Variants in ADGRB3 observed in about 807,000 individuals in gnomAD.
ADGRB3 encodes the protein adhesion G protein-coupled receptor B3, also known as brain-specific angiogenesis inhibitor 3.
Under a neutral mutation model 193.4 loss-of-function variants are expected in ADGRB3, and 37 were observed. That is an observed-to-expected ratio of 0.19 (90% CI 0.15 to 0.25). The LOEUF is 0.25. ADGRB3 is among the 10% of genes least tolerant of loss of function. The pLI is 1.00. For missense variants in ADGRB3, 1,637 were observed against 1,852.9 expected (o/e 0.88, Z 2.14); for synonymous variants, 690 against 644.2 (o/e 1.07, Z -1.08).
chr6:69,251,060 T>C (rs182576962), intron 20 of ADGRB3, among the ~76,000 whole-genome samples: 2 of 152,314 alleles, frequency 1.3e-5, no homozygotes, highest in African/African-American at 4.8e-5. Flanking sequence ...CAATAAGCCC[T>C]TAGTCAAGTG....
Position 68,899,728 on chromosome 6 carries a change from T to G in ADGRB3, c.758-30831T>G, listed in dbSNP as rs182856859. 2.0e-3 allele frequency among the ~76,000 whole-genome samples: 311 copies of G among 152,172 alleles called. 5 individuals carry two copies. The highest frequency in any genetic ancestry group is 5.2e-3 in the Admixed American group (79 of 15,264). On this transcript the variant is annotated intron_variant, in intron 3 of 31. Coordinates refer to ENST00000370598, the MANE Select transcript of ADGRB3 (RefSeq NM_001704.3). ...TTGTTATCATATTTATATACCAAACTGTAGGCCAAATGGACTAAAACATTA... is the reference window on the plus strand; with the variant it reads ...TTGTTATCATATTTATATACCAAACGGTAGGCCAAATGGACTAAAACATTA...
intron 13 of ADGRB3, among the ~76,000 whole-genome samples, chr6:69,031,076 C>CTTCTCTTCTCTTCTCTTCTCTTCT (rs1770658094): frequency 1.5e-5 from 1 of 67,594 alleles, no homozygotes; most frequent in African/African-American, 5.2e-5. Context: ...CTTCTCTTCT[C>CTTCTCTTCTCTTCTCTTCTCTTCT]TTCTCTTCTC....
intron 3 of ADGRB3, 88 bp from the exon 4 acceptor site, chr6:68,930,467 GGTAT>G (rs1390866654): frequency 7.8e-5 from 53 of 677,716 alleles, no homozygotes; most frequent in Non-Finnish European, 1.2e-4. Flanking sequence ...TTATCTTCTA[GGTAT>G]GTATAGGAAC....
intron 17 of ADGRB3, among the ~76,000 whole-genome samples, chr6:69,115,841 A>G (rs1295856178): frequency 6.6e-6 from 1 of 152,166 alleles, no homozygotes; most frequent in Non-Finnish European, 1.5e-5. Context: ...CATATGAGTT[A>G]AAATAAAATA....
chr6:68,966,027 C>A (rs1768372859), intron 8 of ADGRB3, among the ~76,000 whole-genome samples: 1 of 152,110 alleles, frequency 6.6e-6, no homozygotes, highest in African/African-American at 2.4e-5. Flanking sequence ...ATATGTCAAA[C>A]TCAAAACTAT....
chr6:69,339,580 T>C, intron 26 of ADGRB3, 76 bp downstream of exon 26: 2 of 1,458,554 alleles, frequency 1.4e-6, no homozygotes, highest in Non-Finnish European at 9.4e-7. Context: ...GATCTTTTAA[T>C]ATCTTGATGT....
intron 20 of ADGRB3, among the ~76,000 whole-genome samples, chr6:69,281,156 A>G (rs941388410): frequency 6.6e-6 from 1 of 152,192 alleles, no homozygotes; most frequent in African/African-American, 2.4e-5. Flanking sequence ...CCACTGGAGC[A>G]TGTTTTCTGA....
chr6:68,721,627 A>AATATATATATATATATATATAT (rs71852236), intron 3 of ADGRB3, among the ~76,000 whole-genome samples: 1 of 140,264 alleles, frequency 7.1e-6, no homozygotes, highest in Non-Finnish European at 1.5e-5. Flanking sequence ...AAGTATAATA[A>AATATATATATATATATATATAT]ATATATATAT....
At chr6:68,997,454 A>T (rs1200825892) in intron 11 of ADGRB3, among the ~76,000 whole-genome samples, 1 of 148,174 alleles carries the variant, frequency 6.7e-6, no homozygotes, top group Non-Finnish European at 1.5e-5. Context: ...ACCAGCCTGG[A>T]CAACATGGTG....
intron 20 of ADGRB3, among the ~76,000 whole-genome samples, chr6:69,266,934 G>T (rs1462947318): frequency 6.6e-6 from 1 of 152,022 alleles, no homozygotes; most frequent in African/African-American, 2.4e-5. Context: ...CCAGTCTAAG[G>T]TTGTACAGAT....
Position 68,639,180 on chromosome 6 carries a change from C to T in ADGRB3, c.505C>T (p.His169Tyr), listed in dbSNP as rs772177600. Residue 169 changes from histidine to tyrosine, a missense_variant, in exon 3 of 32, where the codon CAT (histidine) becomes TAT (tyrosine). Around this residue, in one of 7 missense-constraint regions of ADGRB3, gnomAD observed 365 missense variants for 409.8 expected, o/e 0.89. Transcript: ENST00000370598. ...GGTCAGCCCAAGCCAGTTTGGTTGC[C>T]ATGTATTATGTACTTGGTTGGAGAG... ...NKVSPSQFGC[H>Y]VLCTWLESCL... 18 of 1,614,022 alleles carry T rather than the reference C, an allele frequency of 1.1e-5. No individual in the cohort carries two copies. Among genetic ancestry groups the T allele is most frequent in the Non-Finnish European group, 1.5e-5 (18 of 1,180,020 alleles).
intron 17 of ADGRB3, among the ~76,000 whole-genome samples, chr6:69,141,163 G>A (rs1390471616): frequency 2.7e-5 from 4 of 147,792 alleles, no homozygotes; most frequent in South Asian, 4.3e-4. Context: ...TTGCTCTGTC[G>A]CCCAGGCTGG....
chr6:69,297,364 C>CTCTCTCTT (rs1561980389), intron 20 of ADGRB3, among the ~76,000 whole-genome samples: 1 of 121,830 alleles, frequency 8.2e-6, no homozygotes, highest in East Asian at 2.0e-4. Context: ...CTCTCTCTCT[C>CTCTCTCTT]TCTTTCTCTC....
Position 68,911,070 on chromosome 6 carries a change from C to A in ADGRB3, c.758-19489C>A, listed in dbSNP as rs560577899. ...ATGTTCTTCATGTGGCACATATACA[C>A]CATGGAACTATGCAGCCATAAAAAA... On this transcript the variant is annotated intron_variant, in intron 3 of 31. Coordinates refer to ENST00000370598, the MANE Select transcript of ADGRB3 (RefSeq NM_001704.3). 2.8e-4 allele frequency among the ~76,000 whole-genome samples: 43 copies of A among 151,986 alleles called. No individual in the cohort carries two copies. The South Asian group carries it at 8.7e-3, about 31-fold the overall frequency.
At chr6:68,922,263 G>A (rs557868735) in intron 3 of ADGRB3, among the ~76,000 whole-genome samples, 8 of 152,292 alleles carry the variant, frequency 5.3e-5, no homozygotes, top group South Asian at 2.1e-4. Flanking sequence ...TGAGTGAAAT[G>A]TATTCATTCC....
chr6:68,945,718 T>C (rs942407598), intron 6 of ADGRB3, among the ~76,000 whole-genome samples: 9 of 152,272 alleles, frequency 5.9e-5, no homozygotes, highest in Non-Finnish European at 1.2e-4. Context: ...GGTTAAAATA[T>C]TGTGAACCAA....
rs573225535 is a variant in ADGRB3 at position 68,899,829 on chromosome 6, TA to T, written c.758-30723del. ...AGAATTTTTCTAAGGTTTAATGTGG[TA>T]AAAAAATAATAAAAATTACTAAACA... On this transcript the variant is annotated intron_variant, in intron 3 of 31. Coordinates refer to ENST00000370598, the MANE Select transcript of ADGRB3 (RefSeq NM_001704.3). 6.6e-3 allele frequency among the ~76,000 whole-genome samples: 1,007 copies of T among 152,068 alleles called. 3 individuals carry two copies. Among genetic ancestry groups the T allele is most frequent in the Non-Finnish European group, 0.011 (715 of 67,968 alleles).
chr6:69,238,791 A>G (rs1337905317), intron 19 of ADGRB3, among the ~76,000 whole-genome samples: 3 of 151,800 alleles, frequency 2.0e-5, no homozygotes, highest in African/African-American at 7.2e-5. Context: ...ACTAATTGAT[A>G]TATTTCCAAG....
chr6:69,113,608 T>A (rs1040459775), intron 17 of ADGRB3, among the ~76,000 whole-genome samples: 6 of 152,146 alleles, frequency 3.9e-5, no homozygotes, highest in African/African-American at 1.4e-4. Flanking sequence ...TGACTAAATA[T>A]ATTAACATAT....
Sources: gnomAD v4.1 joint callset for allele counts (sites outside exome capture counted in the v4.1 genomes callset) on GRCh38, gnomAD v4.1.1 for gene constraint, gnomAD v4.1.1 regional missense constraint, MANE v1.5 for transcripts, NCBI Gene and HGNC (gene_info 2026-07-23, HGNC 2026-07-21) for gene names.